NCKAP5: variants seen among roughly 807,000 people sequenced by gnomAD.
NCKAP5 encodes nck-associated protein 5.
Under a neutral mutation model 167.0 loss-of-function variants are expected in NCKAP5, and 92 were observed. The ratio of observed to expected loss-of-function variants is 0.55; its 90% CI spans 0.47 to 0.66. The LOEUF is 0.66. Ranked by LOEUF, NCKAP5 falls within the 30% of genes least tolerant of loss-of-function variation. NCKAP5 has a pLI of 0.00. For synonymous variants in NCKAP5, 891 were observed against 877.4 expected (o/e 1.02, Z -0.27); for missense variants, 2,378 against 2,315.0 (o/e 1.03, Z -0.56).
chr2:133,207,647 A>AAAC (rs2086012620), intron 5 of NCKAP5, among the ~76,000 whole-genome samples: 1 of 151,280 alleles, frequency 6.6e-6, no homozygotes, highest in Non-Finnish European at 1.5e-5. Flanking sequence ...GAAAAAGGAA[A>AAAC]AACAACAACG....
chr2:133,445,206 C>CT lies in NCKAP5; in HGVS notation c.69+72251dup, dbSNP rs879444396. Among the ~76,000 whole-genome samples the CT allele has an allele frequency of 3.1e-3, 454 of 147,940 alleles. 1 individual carries two copies. The highest frequency in any genetic ancestry group is 8.6e-3 in the African/African-American group (349 of 40,364). On this transcript the variant is annotated intron_variant, in intron 3 of 19. Coordinates refer to ENST00000409261, the MANE Select transcript of NCKAP5 (RefSeq NM_207363.3). The stretch of plus-strand genomic sequence containing the variant: ...CATCTGAATTAATACAAGAAATGAG[C>CT]TTTTTTTTTTGTAGGTTGAATCTTA...
At chr2:132,752,243 A>G (rs1025511720) in intron 16 of NCKAP5, among the ~76,000 whole-genome samples, 2 of 152,248 alleles carry the variant, frequency 1.3e-5, no homozygotes, top group African/African-American at 4.8e-5. Context: ...CCCCGTGCAC[A>G]GGCCTCTGGC....
At chr2:133,337,104 C>G (rs1424501100) in intron 3 of NCKAP5, among the ~76,000 whole-genome samples, 1 of 152,132 alleles carries the variant, frequency 6.6e-6, no homozygotes, top group Admixed American at 6.5e-5. Context: ...GTTTTCTGAT[C>G]CCCCACTCTT....
intron 8 of NCKAP5, among the ~76,000 whole-genome samples, chr2:132,933,012 C>T (rs1490801884): frequency 2.6e-5 from 4 of 151,088 alleles, no homozygotes; most frequent in Non-Finnish European, 5.9e-5. Flanking sequence ...GCAAGCTCCG[C>T]CTCCCGGGTT....
At position 133,023,786 on chromosome 2, in the gene NCKAP5, T is replaced by C. The variant is rs184794538; in HGVS notation, c.342-29547A>G. 1.9e-4 allele frequency among the ~76,000 whole-genome samples: 29 copies of C among 152,338 alleles called. No individual in the cohort carries two copies. The East Asian group carries it at 5.0e-3, about 26-fold the overall frequency. ...GCTGCAGAGGACATGATTTCATTCT[T>C]TGTTATGGGTGTGTAGTATTCCATG... On this transcript the variant is annotated intron_variant, in intron 6 of 19. Transcript: ENST00000409261.
At chr2:132,857,350 A>G (rs1424050632) in intron 11 of NCKAP5, among the ~76,000 whole-genome samples, 1 of 152,180 alleles carries the variant, frequency 6.6e-6, no homozygotes, top group Non-Finnish European at 1.5e-5. Context: ...TAGTTAGACA[A>G]CTATATTTAA....
At chr2:132,817,572 A>G (rs1355423560) in intron 11 of NCKAP5, among the ~76,000 whole-genome samples, 1 of 152,238 alleles carries the variant, frequency 6.6e-6, no homozygotes, top group Non-Finnish European at 1.5e-5. Context: ...TGGGAGACCA[A>G]TGGTGAATTC....
At chr2:133,307,106 T>C (rs971027426) in intron 3 of NCKAP5, among the ~76,000 whole-genome samples, 3 of 152,224 alleles carry the variant, frequency 2.0e-5, no homozygotes, top group Admixed American at 1.3e-4. Context: ...AAACTATTGT[T>C]ACTAACTTGA....
At chr2:133,026,873 C>T (rs930673756) in intron 6 of NCKAP5, among the ~76,000 whole-genome samples, 2 of 152,174 alleles carry the variant, frequency 1.3e-5, no homozygotes, top group African/African-American at 4.8e-5. Context: ...ATGGTCCAGC[C>T]AGGATTCAGC....
At position 132,782,096 on chromosome 2, in the gene NCKAP5, G is replaced by C; in HGVS notation, c.4715C>G (p.Thr1572Ser). 6.2e-7 allele frequency: 1 copy of C among 1,614,040 alleles called. No individual in the cohort carries two copies. The highest frequency in any genetic ancestry group is 8.5e-7 in the Non-Finnish European group (1 of 1,179,908). ...GCCATCTGGATTATCTGCTGACTTG[G>C]TGTCCTTGATAAGCTCATTTTCTGT... ...CETENELIKD[T>S]KSADNPDGGL... Residue 1572 changes from threonine to serine, a missense_variant, in exon 14 of 20, where the codon ACC becomes AGC. By Grantham distance (58) the Thr-to-Ser change is moderately conservative (BLOSUM62 1). This residue lies in a region of NCKAP5 where 1,325 missense variants were observed against 1,274.5 expected (regional missense o/e 1.04). Coordinates refer to ENST00000409261, the MANE Select transcript of NCKAP5 (RefSeq NM_207363.3).
At chr2:132,941,292 A>G (rs1697276451) in intron 8 of NCKAP5, among the ~76,000 whole-genome samples, 2 of 152,230 alleles carry the variant, frequency 1.3e-5, no homozygotes, top group South Asian at 4.1e-4. Context: ...CAGCACTATC[A>G]GCATCTCCCT....
intron 6 of NCKAP5, among the ~76,000 whole-genome samples, chr2:133,085,473 T>C (rs76933418): frequency 0.067 from 10,197 of 152,178 alleles, 400 homozygotes; most frequent in African/African-American, 0.11. Flanking sequence ...AAATAAAATG[T>C]GCAAGATTTT....
intron 8 of NCKAP5, among the ~76,000 whole-genome samples, chr2:132,960,161 A>C (rs907424896): frequency 6.6e-6 from 1 of 152,194 alleles, no homozygotes; most frequent in African/African-American, 2.4e-5. Flanking sequence ...TATAATTATA[A>C]TTTTTATAAT....
At chr2:133,210,249 G>T (rs1285219098) in intron 5 of NCKAP5, among the ~76,000 whole-genome samples, 2 of 148,660 alleles carry the variant, frequency 1.3e-5, no homozygotes, top group Non-Finnish European at 3.0e-5. Context: ...TGCTGCTTTG[G>T]GACTATCTTA....
At chr2:133,454,409 A>G (rs1691724194) in intron 3 of NCKAP5, among the ~76,000 whole-genome samples, 1 of 152,088 alleles carries the variant, frequency 6.6e-6, no homozygotes, top group African/African-American at 2.4e-5. Context: ...AGAAAGCTTT[A>G]ACAGTGCTCT....
chr2:132,983,396 G>C (rs1053226911), intron 7 of NCKAP5, among the ~76,000 whole-genome samples: 1 of 152,146 alleles, frequency 6.6e-6, no homozygotes, highest in Non-Finnish European at 1.5e-5. Flanking sequence ...AGTTCTCAGA[G>C]GGATGCTTCC....
At chr2:132,862,780 C>CAAAA (rs1169763055) in intron 10 of NCKAP5, among the ~76,000 whole-genome samples, 1 of 100,554 alleles carries the variant, frequency 9.9e-6, no homozygotes, top group African/African-American at 3.7e-5. Context: ...AAAAAAAAAC[C>CAAAA]AAAAAAAAAC....
chr2:133,459,061 G>A (rs1692033190), intron 3 of NCKAP5, among the ~76,000 whole-genome samples: 1 of 152,152 alleles, frequency 6.6e-6, no homozygotes, highest in Non-Finnish European at 1.5e-5. Context: ...ACTCTCTGCA[G>A]TTCTGTGTTC....
chr2:133,077,149 T>G (rs937051204), intron 6 of NCKAP5, among the ~76,000 whole-genome samples: 3 of 152,196 alleles, frequency 2.0e-5, no homozygotes, highest in Non-Finnish European at 4.4e-5. Context: ...ATTCATGTAT[T>G]TATAAAACTA....
Sources: allele counts gnomAD v4.1 joint callset (sites outside exome capture counted in the v4.1 genomes callset), GRCh38; gene constraint gnomAD v4.1.1; regional missense constraint gnomAD v4.1.1; transcripts MANE v1.5; gene names NCBI Gene and HGNC (gene_info 2026-07-23, HGNC 2026-07-21).